Variants in COL24A1 observed in about 807,000 individuals in gnomAD.
COL24A1 encodes the protein collagen alpha-1(XXIV) chain.
A neutral mutation model predicts 253.9 loss-of-function variants in COL24A1; 224 were observed. The observed-to-expected ratio is 0.88, with a 90% confidence interval of 0.79 to 0.99. COL24A1 has a LOEUF of 0.99. Ranked by LOEUF, COL24A1 falls within the 50% of genes least tolerant of loss-of-function variation. COL24A1 has a pLI of 0.00. For synonymous variants in COL24A1, 685 were observed against 673.7 expected (o/e 1.02, Z -0.26); for missense variants, 2,131 against 2,068.5 (o/e 1.03, Z -0.59).
intron 37 of COL24A1, among the ~76,000 whole-genome samples, chr1:85,852,951 A>AG (rs1677956908): frequency 6.6e-6 from 1 of 152,088 alleles, no homozygotes; most frequent in African/African-American, 2.4e-5. Flanking sequence ...TAACCACAGT[A>AG]TTATGTTTTA....
intron 32 of COL24A1, among the ~76,000 whole-genome samples, chr1:85,878,705 G>C (rs921198332): frequency 3.3e-5 from 5 of 152,156 alleles, no homozygotes; most frequent in Non-Finnish European, 7.3e-5. Context: ...CACCAGCAAT[G>C]AATGAGAGCT....
chr1:86,017,748 A>G (rs1697134344), intron 18 of COL24A1, among the ~76,000 whole-genome samples: 1 of 152,226 alleles, frequency 6.6e-6, no homozygotes, highest in African/African-American at 2.4e-5. Flanking sequence ...TTGGAGAGTT[A>G]AATTAGATAA....
intron 43 of COL24A1, among the ~76,000 whole-genome samples, chr1:85,827,394 G>C (rs1336448811): frequency 6.6e-6 from 1 of 150,836 alleles, no homozygotes; most frequent in African/African-American, 2.4e-5. Context: ...TCTCTTTTTT[G>C]GTTGTGTCTC....
At chr1:85,799,202 T>G (rs1671137987) in intron 47 of COL24A1, among the ~76,000 whole-genome samples, 1 of 51,940 alleles carries the variant, frequency 1.9e-5, no homozygotes, top group Non-Finnish European at 4.0e-5. Context: ...TTTAATTCCT[T>G]GGCCACATAA....
chr1:85,868,635 C>T lies in COL24A1; in HGVS notation c.3193-9G>A, dbSNP rs115117287. ...CTTCCTCCTGGTACTCCCTGTAATG[C>T]AATAAAAAAGTTTTCTATAAAGGAA... On this transcript the variant is annotated splice_polypyrimidine_tract_variant and intron_variant, in intron 36 of 59. Coordinates refer to ENST00000370571, the MANE Select transcript of COL24A1 (RefSeq NM_152890.7). 1.5e-3 allele frequency: 2,445 copies of T among 1,608,640 alleles called. 35 individuals carry two copies. The African/African-American group carries it at 0.028, about 18-fold the overall frequency.
chr1:86,152,766 A>T (rs1652945117), intron 1 of COL24A1, among the ~76,000 whole-genome samples: 1 of 152,250 alleles, frequency 6.6e-6, no homozygotes, highest in East Asian at 1.9e-4. Context: ...TGCCTAGCTT[A>T]GTAAAGTTCC....
intron 20 of COL24A1, among the ~76,000 whole-genome samples, chr1:85,979,785 G>C (rs1322568677): frequency 6.6e-6 from 1 of 151,362 alleles, no homozygotes; most frequent in Non-Finnish European, 1.5e-5. Context: ...CAATCCTATT[G>C]ACACTATTCC....
chr1:86,038,065 C>T (rs139618969), intron 12 of COL24A1, among the ~76,000 whole-genome samples: 50 of 152,004 alleles, frequency 3.3e-4, no homozygotes, highest in African/African-American at 9.4e-4. Flanking sequence ...GTCCACCTGT[C>T]GCCAATGTAA....
intron 2 of COL24A1, among the ~76,000 whole-genome samples, chr1:86,138,096 A>T (rs1245826934): frequency 6.6e-6 from 1 of 152,112 alleles, no homozygotes; most frequent in Non-Finnish European, 1.5e-5. Flanking sequence ...AACTCATGGC[A>T]TTTGTACTTA....
intron 3 of COL24A1, among the ~76,000 whole-genome samples, chr1:86,118,309 T>C (rs1227715882): frequency 2.0e-5 from 3 of 152,166 alleles, no homozygotes; most frequent in African/African-American, 4.8e-5. Context: ...GTGATCCCCC[T>C]GCCTTGGCCT....
At chr1:85,951,195 A>T (rs1689880825) in intron 24 of COL24A1, among the ~76,000 whole-genome samples, 1 of 152,198 alleles carries the variant, frequency 6.6e-6, no homozygotes, top group Admixed American at 6.5e-5. Context: ...ATGTACAAAA[A>T]TAAGGCATGT....
Position 85,823,679 on chromosome 1 carries a change from A to T in COL24A1, c.3735+6T>A. Reference sequence around the variant, plus strand: ...AATTTTTAGAAATAATGCTTTCAAAACATACTGGGGGTCCTTGTTGTCCAG... The same window carrying T: ...AATTTTTAGAAATAATGCTTTCAAATCATACTGGGGGTCCTTGTTGTCCAG... On this transcript the variant is annotated splice_donor_region_variant and intron_variant, in intron 44 of 59. Coordinates refer to ENST00000370571, the MANE Select transcript of COL24A1 (RefSeq NM_152890.7). 1 of 1,613,818 alleles carries T rather than the reference A, an allele frequency of 6.2e-7. No individual in the cohort carries two copies. Among genetic ancestry groups the T allele is most frequent in the Non-Finnish European group, 8.5e-7 (1 of 1,179,810 alleles).
rs1572011770 is a variant in COL24A1 at position 86,126,213 on chromosome 1, G to C, written c.123C>G (p.Gly41=). ...GGCCTAGTTGATGAAGAATATCTAT[G>C]CCTGGAAATTTAAAAAAGAGAGAGA... is the stretch of plus-strand genomic sequence containing the variant. ...AGVVVHAQEQ[G]IDILHQLGLG... is the part of the protein sequence containing the mutation. Residue 41 remains glycine, a splice_region_variant and synonymous_variant, in exon 3 of 60, where the codon GGC becomes GGG. Transcript: ENST00000370571. The C allele has an allele frequency of 6.4e-7, 1 of 1,567,248 alleles. No individual in the cohort carries two copies. The highest frequency in any genetic ancestry group is 1.2e-5 in the South Asian group (1 of 85,796).
chr1:85,755,873 CAA>C (rs1666184466), intron 55 of COL24A1, among the ~76,000 whole-genome samples: 1 of 138,658 alleles, frequency 7.2e-6, no homozygotes, highest in Admixed American at 7.4e-5. Context: ...GCACAGTCAA[CAA>C]GAGAACAAAG....
intron 47 of COL24A1, among the ~76,000 whole-genome samples, chr1:85,792,271 C>G (rs1193107962): frequency 6.6e-6 from 1 of 151,806 alleles, no homozygotes; most frequent in Non-Finnish European, 1.5e-5. Context: ...ATAGTTTCTC[C>G]ATGTATTCAA....
At chr1:86,113,417 T>C (rs1043964098) in intron 4 of COL24A1, among the ~76,000 whole-genome samples, 2 of 152,176 alleles carry the variant, frequency 1.3e-5, no homozygotes, top group Non-Finnish European at 2.9e-5. Flanking sequence ...AGACATAACA[T>C]ATAGTTAATA....
At chr1:85,974,905 A>G (rs776249973) in intron 20 of COL24A1, among the ~76,000 whole-genome samples, 4 of 152,212 alleles carry the variant, frequency 2.6e-5, no homozygotes, top group Non-Finnish European at 5.9e-5. Context: ...AAATAAAATG[A>G]TACATAGAAT....
chr1:85,891,702 C>T (rs1683149651), intron 31 of COL24A1, among the ~76,000 whole-genome samples: 1 of 152,142 alleles, frequency 6.6e-6, no homozygotes, highest in Admixed American at 6.5e-5. Flanking sequence ...GCCTAGTACA[C>T]CAACTGAAAT....
At chr1:86,131,848 A>G (rs12069553) in intron 2 of COL24A1, among the ~76,000 whole-genome samples, 1,833 of 152,276 alleles carry the variant, frequency 0.012, 34 homozygotes, top group East Asian at 0.074. Context: ...TTATAGCAGC[A>G]TGATTTATAA....
Sources: gnomAD v4.1 joint callset for allele counts (sites outside exome capture counted in the v4.1 genomes callset) on GRCh38, gnomAD v4.1.1 for gene constraint, MANE v1.5 for transcripts, NCBI Gene and HGNC (gene_info 2026-07-23, HGNC 2026-07-21) for gene names.